Variants in ZFYVE1 observed in about 807,000 individuals in gnomAD.
ZFYVE1 encodes zinc finger FYVE-type containing 1.
ZFYVE1 carries 30 observed loss-of-function variants against 74.4 expected under a neutral mutation model. That is an observed-to-expected ratio of 0.40 (90% CI 0.30 to 0.55). The LOEUF (loss-of-function observed/expected upper bound fraction) is 0.55, where lower values mean the gene tolerates loss of function less well. Ranked by LOEUF, ZFYVE1 falls within the 20% of genes least tolerant of loss-of-function variation. The pLI is 0.42. For synonymous variants in ZFYVE1, 335 were observed against 385.1 expected, an observed-to-expected ratio of 0.87 and a Z score of 1.52; for missense variants, 703 against 1,011.6, an observed-to-expected ratio of 0.69 and a Z score of 4.14.
chr14:72,971,725 T>A (rs563151692), intron 11 of ZFYVE1, among the ~76,000 whole-genome samples: 2 of 152,218 alleles, frequency 1.3e-5, no homozygotes, highest in African/African-American at 4.8e-5. Flanking sequence ...TGCCTGAGTC[T>A]CCCAAGTAGC....
intron 2 of ZFYVE1, among the ~76,000 whole-genome samples, chr14:73,021,444 T>C (rs996393474): frequency 1.3e-5 from 2 of 152,342 alleles, no homozygotes; most frequent in South Asian, 2.1e-4. Context: ...GCACTGACAA[T>C]GTGTTTACCA....
Position 72,975,208 on chromosome 14 carries a change from T to C in ZFYVE1, c.1807-249A>G. 1 of 520,214 alleles carries C rather than the reference T, an allele frequency of 1.9e-6. No individual in the cohort carries two copies. Among genetic ancestry groups the C allele is most frequent in the Non-Finnish European group, 3.3e-6 (1 of 298,558 alleles). 32.2% of individuals were successfully genotyped at this position (520,214 alleles called of 1,614,324 possible). ...CTTGCTCTGGGTGCTGTAGCGTTAA[T>C]GGATCAAGCTGAGGATGACCCTAAA... On this transcript the variant is annotated intron_variant, in intron 9 of 11. Coordinates refer to ENST00000556143, the MANE Select transcript of ZFYVE1 (RefSeq NM_021260.4). This position sits in a 1 kb window ranked among gnomAD's most constrained non-coding sequence, Gnocchi z 4.1.
intron 11 of ZFYVE1, 45 bp from the exon 12 acceptor site, chr14:72,971,159 C>A: frequency 6.2e-7 from 1 of 1,600,124 alleles, no homozygotes; most frequent in Non-Finnish European, 8.5e-7. Context: ...CCCAATACCC[C>A]GAGGCCCAAC....
chr14:72,977,860 T>G (rs555155537), intron 8 of ZFYVE1, 67 bp downstream of exon 8: 2 of 1,531,842 alleles, frequency 1.3e-6, no homozygotes, highest in South Asian at 2.3e-5. Flanking sequence ...AGGTTCCAGT[T>G]TTCTATACAC....
At position 72,970,703 on chromosome 14, in the gene ZFYVE1, G is replaced by A; in HGVS notation, c.*179C>T. On this transcript the variant is annotated 3_prime_UTR_variant, in exon 12 of 12. Coordinates refer to ENST00000556143, the MANE Select transcript of ZFYVE1 (RefSeq NM_021260.4). ...TAAGTTGCAAGGTCCCCTGCCCTGA[G>A]GGGTCCACACCTTCGGGCCTGCCGC... The A allele has an allele frequency of 3.0e-6, 2 of 657,716 alleles. No homozygotes were observed. Among genetic ancestry groups the A allele is most frequent in the Non-Finnish European group, 5.2e-6 (2 of 381,756 alleles). The allele number at this position is 657,716 out of a possible 1,614,324, so 40.7% of individuals were successfully genotyped here.
intron 4 of ZFYVE1, among the ~76,000 whole-genome samples, chr14:72,982,829 A>G (rs1370796222): frequency 6.6e-6 from 1 of 152,178 alleles, no homozygotes; most frequent in Non-Finnish European, 1.5e-5. Flanking sequence ...TTAGGTTTTA[A>G]ACGAAGAACA....
chr14:73,000,735 C>T (rs948859305), intron 2 of ZFYVE1, among the ~76,000 whole-genome samples: 1 of 152,158 alleles, frequency 6.6e-6, no homozygotes, highest in Non-Finnish European at 1.5e-5. Flanking sequence ...TAGCTATATA[C>T]CCAAGAGAAC....
rs1012507249 is a variant in ZFYVE1 at position 72,969,911 on chromosome 14, G to A, written c.*971C>T. On this transcript the variant is annotated 3_prime_UTR_variant, in exon 12 of 12. Coordinates refer to ENST00000556143, the MANE Select transcript of ZFYVE1 (RefSeq NM_021260.4). The stretch of plus-strand genomic sequence containing the variant: ...TTTCCCTGGAAGGTTTCTCATGATC[G>A]CCCCTCCGAGAGCTAGAGGGGTTGT... The A allele has an allele frequency of 2.2e-5, 13 of 602,514 alleles. No individual in the cohort carries two copies. Among genetic ancestry groups the A allele is most frequent in the Admixed American group, 3.0e-5 (1 of 33,476 alleles). The allele number at this position is 602,514 out of a possible 1,614,324, so 37.3% of individuals were successfully genotyped here. A position where few individuals can be genotyped will look rare whatever the true frequency, so the allele number is the denominator to read the frequency against.
At chr14:72,972,654 C>T (rs115023210) in intron 11 of ZFYVE1, among the ~76,000 whole-genome samples, 1 of 152,100 alleles carries the variant, frequency 6.6e-6, no homozygotes, top group African/African-American at 2.4e-5. Context: ...TCCCCCTCGC[C>T]ATCCTAAATA....
At chr14:72,974,054 C>T in intron 11 of ZFYVE1, 26 bp downstream of exon 11, 1 of 1,609,554 alleles carries the variant, frequency 6.2e-7, no homozygotes, top group Admixed American at 1.7e-5. Flanking sequence ...ATCCACTACC[C>T]CCAAGAGAAG....
At chr14:72,992,954 C>G (rs947387050) in intron 4 of ZFYVE1, among the ~76,000 whole-genome samples, 189 bp downstream of exon 4, 8 of 152,068 alleles carry the variant, frequency 5.3e-5, no homozygotes, top group African/African-American at 1.9e-4. Context: ...CATATGACTT[C>G]CCCATATTTG....
intron 8 of ZFYVE1, among the ~76,000 whole-genome samples, chr14:72,977,204 T>G (rs1893196047): frequency 6.6e-6 from 1 of 152,310 alleles, no homozygotes; most frequent in Non-Finnish European, 1.5e-5. Flanking sequence ...GGTCGGGAGT[T>G]TGAAACCAGC....
chr14:73,016,868 C>T (rs1435054157), intron 2 of ZFYVE1, among the ~76,000 whole-genome samples: 1 of 152,058 alleles, frequency 6.6e-6, no homozygotes, highest in Admixed American at 6.6e-5. Flanking sequence ...GAGCAAAACT[C>T]CAGTTCCCAA....
chr14:72,971,539 G>C (rs1473774488), intron 11 of ZFYVE1, among the ~76,000 whole-genome samples: 1 of 152,096 alleles, frequency 6.6e-6, no homozygotes, highest in Non-Finnish European at 1.5e-5. Context: ...TGTTGTCCGG[G>C]CTGGTCTCGA....
chr14:72,978,357 A>C, intron 6 of ZFYVE1, 123 bp from the exon 7 acceptor site: 8 of 843,840 alleles, frequency 9.5e-6, no homozygotes, highest in African/African-American at 1.7e-5. Context: ...GCCCGATCTC[A>C]GGAGTTCGAG....
At chr14:73,020,643 C>T (rs1342079842) in intron 2 of ZFYVE1, among the ~76,000 whole-genome samples, 1 of 152,084 alleles carries the variant, frequency 6.6e-6, no homozygotes, top group Non-Finnish European at 1.5e-5. Flanking sequence ...TGAGCCATCG[C>T]GCCCGGTCGC....
Position 72,974,171 on chromosome 14 carries a change from G to C in ZFYVE1, c.2010C>G (p.Asp670Glu). ...VQLAVTEAQV[D>E]DEGGTLIARK... is the part of the protein sequence containing the mutation. ...GAGCAATGAGCGTTCCACCTTCATCGTCCACTTGTGCCTCGGTAACAGCTG... is the reference window on the plus strand; with the variant it reads ...GAGCAATGAGCGTTCCACCTTCATCCTCCACTTGTGCCTCGGTAACAGCTG... Residue 670 changes from aspartate to glutamate, a missense_variant, in exon 11 of 12, where the codon GAC (aspartate) becomes GAG (glutamate). Asp to Glu is a conservative substitution (Grantham distance 45). Coordinates refer to ENST00000556143, the MANE Select transcript of ZFYVE1 (RefSeq NM_021260.4). 1 of 1,613,964 alleles carries C rather than the reference G, an allele frequency of 6.2e-7. No homozygotes were observed. The highest frequency in any genetic ancestry group is 2.2e-5 in the East Asian group (1 of 44,868).
In ZFYVE1 at chr14:72,970,823, G is replaced by T; in HGVS notation, c.*59C>A. 1 of 1,570,420 alleles carries T rather than the reference G, an allele frequency of 6.4e-7. No individual in the cohort carries two copies. The highest frequency in any genetic ancestry group is 8.7e-7 in the Non-Finnish European group (1 of 1,148,958). On this transcript the variant is annotated 3_prime_UTR_variant, in exon 12 of 12. Coordinates refer to ENST00000556143, the MANE Select transcript of ZFYVE1 (RefSeq NM_021260.4). ...ACTGGGAGGAGGGCCTACCTCGCAA[G>T]ACTGTTTCTAACCCTGAGAACCTAA... is the stretch of plus-strand genomic sequence containing the variant.
At chr14:73,011,879 T>C (rs1894098514) in intron 2 of ZFYVE1, among the ~76,000 whole-genome samples, 1 of 150,568 alleles carries the variant, frequency 6.6e-6, no homozygotes, top group Non-Finnish European at 1.5e-5. Flanking sequence ...TGCATACATA[T>C]ATATATATAT....
Sources: allele counts gnomAD v4.1 joint callset (sites outside exome capture counted in the v4.1 genomes callset), GRCh38; gene constraint gnomAD v4.1.1; non-coding constraint Gnocchi (gnomAD v3.1); transcripts MANE v1.5; gene names NCBI Gene and HGNC (gene_info 2026-07-23, HGNC 2026-07-21).